HSPA12A: variants seen among roughly 807,000 people sequenced by gnomAD.
The protein encoded by HSPA12A is heat shock protein family A (Hsp70) member 12A.
HSPA12A carries 28 observed loss-of-function variants against 69.2 expected under a neutral mutation model. The ratio of observed to expected loss-of-function variants is 0.40; its 90% CI spans 0.30 to 0.55. HSPA12A has a LOEUF of 0.55. HSPA12A is among the 20% of genes least tolerant of loss of function. The pLI is 0.38. For synonymous variants in HSPA12A, 345 were observed against 370.5 expected (o/e 0.93, Z 0.79); for missense variants, 686 against 900.7 (o/e 0.76, Z 3.05).
At chr10:116,841,667 T>A (rs953152545) in intron 1 of HSPA12A, among the ~76,000 whole-genome samples, 2 of 152,104 alleles carry the variant, frequency 1.3e-5, no homozygotes, top group Non-Finnish European at 2.9e-5. Context: ...TGCAGTTAAA[T>A]CAATACAGGT....
At chr10:116,828,459 T>C (rs557651930) in intron 2 of HSPA12A, among the ~76,000 whole-genome samples, 48 of 152,290 alleles carry the variant, frequency 3.2e-4, no homozygotes, top group African/African-American at 1.1e-3. Context: ...CCAGACTCCT[T>C]TCTTAAAGGG....
chr10:116,770,381 G>A (rs1844174432), intron 2 of HSPA12A, among the ~76,000 whole-genome samples: 2 of 152,246 alleles, frequency 1.3e-5, no homozygotes, highest in South Asian at 2.1e-4. Context: ...CAGAGGCCAC[G>A]CTGTGTGCTT....
At chr10:116,743,219 G>A (rs1416445295), upstream of HSPA12A, among the ~76,000 whole-genome samples, 4 of 152,186 alleles carry the variant, frequency 2.6e-5, no homozygotes, top group African/African-American at 9.6e-5. Context: ...GGATCCAGCT[G>A]GGCCCTCCTT....
intron 2 of HSPA12A, among the ~76,000 whole-genome samples, chr10:116,789,682 G>A (rs771815287): frequency 6.6e-6 from 1 of 152,136 alleles, no homozygotes; most frequent in Non-Finnish European, 1.5e-5. Context: ...TTGAGGGTTC[G>A]TTTTTAAGGT....
In HSPA12A at chr10:116,674,988, G is replaced by A. The variant is rs200665425; in HGVS notation, c.1821C>T (p.His607=). Residue 607 remains histidine, a synonymous_variant, in exon 12 of 12, where the codon CAC becomes CAT. Transcript: ENST00000369209. The stretch of plus-strand genomic sequence containing the variant: ...GATCAGTGATGAAGCTGACGTTGTC[G>A]TGCTCAGAGCTGTAGATGTTGATGA... ...VIVINIYSSE[H]DNVSFITDPG... is the part of the protein sequence containing the mutation. 2.0e-5 allele frequency: 32 copies of A among 1,614,072 alleles called. No homozygotes were observed. Among genetic ancestry groups the A allele is most frequent in the East Asian group, 2.2e-5 (1 of 44,886 alleles).
At chr10:116,742,637 G>C (rs1554887403), upstream of HSPA12A, 1 of 1,007,134 alleles carries the variant, frequency 9.9e-7, no homozygotes, top group African/African-American at 1.7e-5. Flanking sequence ...CCCGGGCCCC[G>C]CCCCGGCCCG....
chr10:116,759,146 A>G (rs1450664111), intron 2 of HSPA12A, among the ~76,000 whole-genome samples: 3 of 152,256 alleles, frequency 2.0e-5, no homozygotes, highest in African/African-American at 7.2e-5. Flanking sequence ...AGTAATGCAG[A>G]ATAAATCTGC....
At chr10:116,840,228 A>G (rs1219222779) in intron 1 of HSPA12A, among the ~76,000 whole-genome samples, 1 of 152,192 alleles carries the variant, frequency 6.6e-6, no homozygotes, top group Non-Finnish European at 1.5e-5. Flanking sequence ...TAAGAAGTAT[A>G]CAAAAAATTA....
chr10:116,820,860 C>A (rs1845399643), intron 2 of HSPA12A, among the ~76,000 whole-genome samples: 1 of 152,038 alleles, frequency 6.6e-6, no homozygotes, highest in Non-Finnish European at 1.5e-5. Flanking sequence ...TCAGCAGGTT[C>A]CACCCCAAAC....
intron 10 of HSPA12A, 41 bp downstream of exon 10, chr10:116,679,462 C>G (rs374617683): frequency 6.2e-6 from 10 of 1,603,920 alleles, no homozygotes; most frequent in Non-Finnish European, 6.0e-6. Context: ...ACGATCCACC[C>G]GCTAGAATGT....
intron 1 of HSPA12A, among the ~76,000 whole-genome samples, chr10:116,838,939 T>G (rs1294997221): frequency 1.3e-5 from 2 of 152,222 alleles, no homozygotes. Flanking sequence ...CATTTCAACC[T>G]GAGCACCTTA....
chr10:116,766,024 G>A (rs1397178285), intron 2 of HSPA12A, among the ~76,000 whole-genome samples: 2 of 152,134 alleles, frequency 1.3e-5, no homozygotes, highest in Non-Finnish European at 2.9e-5. Flanking sequence ...ATGCAACCAG[G>A]TCCTGTTTGA....
At chr10:116,726,430 T>C (rs569358071) in intron 1 of HSPA12A, among the ~76,000 whole-genome samples, 17 of 151,940 alleles carry the variant, frequency 1.1e-4, no homozygotes, top group Non-Finnish European at 1.9e-4. Context: ...TATACGCACA[T>C]TCCCAGCAGC....
chr10:116,809,484 T>C, intron 2 of HSPA12A, among the ~76,000 whole-genome samples: 1 of 152,228 alleles, frequency 6.6e-6, no homozygotes, highest in East Asian at 1.9e-4. Flanking sequence ...GAAAATAGCA[T>C]TTGTGCTCTC....
chr10:116,840,625 A>G lies in HSPA12A; in HGVS notation c.4-5603T>C, dbSNP rs2429083. On this transcript the variant is annotated intron_variant, in intron 1 of 12. Transcript: ENST00000635765. ...GTTGGCTGAGAATAATTTTACATCA[A>G]AAAGAAATTTGGCACTAGTTCCCTC... 5.9e-5 allele frequency among the ~76,000 whole-genome samples: 9 copies of G among 152,184 alleles called. No homozygotes were observed. The East Asian group carries it at 1.7e-3, about 29-fold the overall frequency.
At chr10:116,687,166 G>A (rs1396707820) in intron 6 of HSPA12A, among the ~76,000 whole-genome samples, 7 of 152,180 alleles carry the variant, frequency 4.6e-5, no homozygotes, top group East Asian at 1.9e-4. Flanking sequence ...AGCTTGGGCT[G>A]GCCACTCAGG....
chr10:116,684,239 C>T (rs1849509687), intron 6 of HSPA12A, among the ~76,000 whole-genome samples: 1 of 152,226 alleles, frequency 6.6e-6, no homozygotes, highest in East Asian at 1.9e-4. Context: ...GCACTTGGGG[C>T]CTCCTTGGCT....
chr10:116,821,725 T>A (rs759515158), intron 2 of HSPA12A, among the ~76,000 whole-genome samples: 7 of 152,170 alleles, frequency 4.6e-5, no homozygotes, highest in African/African-American at 1.4e-4. Context: ...TCACTTGCCA[T>A]CCTGACTGCA....
At chr10:116,760,038 T>A (rs1255166702) in intron 2 of HSPA12A, among the ~76,000 whole-genome samples, 1 of 152,150 alleles carries the variant, frequency 6.6e-6, no homozygotes, top group Non-Finnish European at 1.5e-5. Flanking sequence ...CTTGGGTATA[T>A]CTTTATCAGC....
Sources: gnomAD v4.1 joint callset for allele counts (sites outside exome capture counted in the v4.1 genomes callset) on GRCh38, gnomAD v4.1.1 for gene constraint, MANE v1.5 for transcripts, NCBI Gene and HGNC (gene_info 2026-07-23, HGNC 2026-07-21) for gene names.